The following PCDH9 variants were observed in gnomAD, a reference collection of about 807,000 sequenced individuals.
PCDH9 encodes protocadherin-9.
PCDH9 carries 24 observed loss-of-function variants against 70.6 expected under a neutral mutation model. The observed-to-expected ratio is 0.34, with a 90% CI of 0.25 to 0.48. The LOEUF (loss-of-function observed/expected upper bound fraction) is 0.48. Among genes scored for constraint, PCDH9 ranks in the 20% least tolerant of loss-of-function variants. The probability of loss-of-function intolerance (pLI) is 0.99; values close to 1 mark genes in which losing one functional copy is unlikely to be tolerated. For synonymous variants in PCDH9, 562 were observed against 558.5 expected, an observed-to-expected ratio of 1.01 and a Z score of -0.09; for missense variants, 1,281 against 1,503.6, an observed-to-expected ratio of 0.85 and a Z score of 2.45.
intron 4 of PCDH9, among the ~76,000 whole-genome samples, chr13:66,389,257 T>C (rs1380739022): frequency 6.6e-6 from 1 of 152,224 alleles, no homozygotes; most frequent in African/African-American, 2.4e-5. Context: ...ATATTCACTT[T>C]TCTTCATTTT....
intron 4 of PCDH9, 90 bp downstream of exon 4, chr13:66,631,120 A>C: frequency 1.5e-6 from 1 of 687,832 alleles, no homozygotes; most frequent in East Asian, 2.5e-5. Context: ...CTAAATGTTC[A>C]TCCTTGCCCC....
intron 2 of PCDH9, among the ~76,000 whole-genome samples, chr13:66,988,336 A>G (rs1409236674): frequency 2.0e-5 from 3 of 152,082 alleles, no homozygotes; most frequent in Non-Finnish European, 4.4e-5. Context: ...ATAACAAAAT[A>G]TCACTTTTGG....
intron 2 of PCDH9, among the ~76,000 whole-genome samples, chr13:67,034,349 T>G: frequency 6.6e-6 from 1 of 152,198 alleles, no homozygotes; most frequent in East Asian, 1.9e-4. Flanking sequence ...TATTATACAT[T>G]ATTTAATGTT....
chr13:66,773,045 G>A (rs1437982744), intron 3 of PCDH9, among the ~76,000 whole-genome samples: 2 of 152,114 alleles, frequency 1.3e-5, no homozygotes, highest in East Asian at 3.8e-4. Context: ...TATAACTGGT[G>A]GAATTTTACT....
intron 4 of PCDH9, among the ~76,000 whole-genome samples, chr13:66,538,737 G>A (rs1415542377): frequency 1.5e-5 from 2 of 137,254 alleles, no homozygotes; most frequent in Non-Finnish European, 3.2e-5. Context: ...TCTCATCTAA[G>A]TAAAGTTTAA....
intron 2 of PCDH9, among the ~76,000 whole-genome samples, chr13:67,107,988 C>A (rs115953355): frequency 0.024 from 3,709 of 152,286 alleles, 123 homozygotes; most frequent in South Asian, 0.069. Context: ...TCTGGTCCAG[C>A]CACAGCCTTG....
At chr13:67,192,546 C>A (rs2088946381) in intron 2 of PCDH9, among the ~76,000 whole-genome samples, 1 of 152,052 alleles carries the variant, frequency 6.6e-6, no homozygotes, top group Non-Finnish European at 1.5e-5. Context: ...TTTCAAATAA[C>A]AAGAACATAT....
chr13:67,057,502 G>C (rs1402957661), intron 2 of PCDH9, among the ~76,000 whole-genome samples: 1 of 152,022 alleles, frequency 6.6e-6, no homozygotes, highest in African/African-American at 2.4e-5. Flanking sequence ...ATGGCAAACA[G>C]ATTATAGGCT....
At chr13:66,855,762 T>C (rs1295952929) in intron 3 of PCDH9, among the ~76,000 whole-genome samples, 1 of 152,000 alleles carries the variant, frequency 6.6e-6, no homozygotes, top group East Asian at 1.9e-4. Context: ...AATGTACTGG[T>C]TTACTGTCTT....
chr13:66,916,827 C>T (rs536449368), intron 2 of PCDH9, among the ~76,000 whole-genome samples: 2 of 151,342 alleles, frequency 1.3e-5, no homozygotes, highest in Non-Finnish European at 1.5e-5. Flanking sequence ...ATTTGCTTAT[C>T]GTCTTATTCA....
rs150497302 is a variant in PCDH9 at position 66,421,068 on chromosome 13, G to T, written c.3341-116040C>A. On this transcript the variant is annotated intron_variant, in intron 4 of 4. Transcript: ENST00000377865. ...CAATGGCCAAATCTATCAAGCAGAAGAAAGAATATCAGAGACTGAAGATTA... is the reference window on the plus strand; with the variant it reads ...CAATGGCCAAATCTATCAAGCAGAATAAAGAATATCAGAGACTGAAGATTA... 6.6e-4 allele frequency among the ~76,000 whole-genome samples: 100 copies of T among 151,402 alleles called. 1 individual carries two copies. Among genetic ancestry groups the T allele is most frequent in the African/African-American group, 1.9e-3 (78 of 41,254 alleles).
chr13:66,408,956 A>C (rs1239226762), intron 4 of PCDH9, among the ~76,000 whole-genome samples: 1 of 152,204 alleles, frequency 6.6e-6, no homozygotes, highest in Non-Finnish European at 1.5e-5. Context: ...CATATTGAGG[A>C]GATTCTGTGA....
chr13:67,084,753 G>T (rs929816695), intron 2 of PCDH9, among the ~76,000 whole-genome samples: 13 of 151,288 alleles, frequency 8.6e-5, no homozygotes, highest in Non-Finnish European at 2.9e-5. Flanking sequence ...GGGATCACGA[G>T]GTCAAGAGAT....
chr13:66,401,012 ACT>A (rs1957174866), intron 4 of PCDH9, among the ~76,000 whole-genome samples: 1 of 152,114 alleles, frequency 6.6e-6, no homozygotes, highest in Non-Finnish European at 1.5e-5. Flanking sequence ...ACTTTCTGGC[ACT>A]CTCTTAATTG....
At chr13:66,704,429 T>C (rs1434800983) in intron 3 of PCDH9, among the ~76,000 whole-genome samples, 1 of 152,206 alleles carries the variant, frequency 6.6e-6, no homozygotes, top group South Asian at 2.1e-4. Context: ...TTGCCTTACA[T>C]AGACAATTCA....
At chr13:66,410,632 A>C (rs901355931) in intron 4 of PCDH9, among the ~76,000 whole-genome samples, 1 of 152,220 alleles carries the variant, frequency 6.6e-6, no homozygotes, top group Non-Finnish European at 1.5e-5. Context: ...TAGCTCCTGC[A>C]GGACAGAAAT....
intron 3 of PCDH9, among the ~76,000 whole-genome samples, chr13:66,860,968 G>A (rs2081473372): frequency 6.6e-6 from 1 of 152,192 alleles, no homozygotes; most frequent in Non-Finnish European, 1.5e-5. Flanking sequence ...CTGGTACTAT[G>A]AGCCAATGCA....
At chr13:66,913,057 G>A (rs754107924) in intron 2 of PCDH9, among the ~76,000 whole-genome samples, 22 of 151,970 alleles carry the variant, frequency 1.4e-4, no homozygotes, top group African/African-American at 3.9e-4. Flanking sequence ...TAATAAATTC[G>A]GAGATTCAAA....
chr13:66,925,002 A>G (rs1474702961), intron 2 of PCDH9, among the ~76,000 whole-genome samples: 2 of 151,898 alleles, frequency 1.3e-5, no homozygotes, highest in Non-Finnish European at 2.9e-5. Flanking sequence ...TATAAAAAAC[A>G]TGGAAGATCT....
Sources: allele counts gnomAD v4.1 joint callset (sites outside exome capture counted in the v4.1 genomes callset), GRCh38; gene constraint gnomAD v4.1.1; transcripts MANE v1.5; gene names NCBI Gene and HGNC (gene_info 2026-07-23, HGNC 2026-07-21).